Variants in KLHL1 observed in about 807,000 individuals in gnomAD.
KLHL1 encodes kelch like family member 1, also known as kelch-like protein 1.
A neutral mutation model predicts 77.7 loss-of-function variants in KLHL1; 47 were observed. That is an observed-to-expected ratio of 0.60 (90% CI 0.48 to 0.77). The LOEUF (loss-of-function observed/expected upper bound fraction) is 0.77, where lower values mean the gene tolerates loss of function less well. KLHL1 is among the 30% of genes least tolerant of loss of function. The pLI, the probability that KLHL1 is intolerant of heterozygous loss-of-function variation, is 0.00. For missense variants in KLHL1, 925 were observed against 910.8 expected (o/e 1.02, Z -0.20); for synonymous variants, 360 against 325.2 (o/e 1.11, Z -1.15).
chr13:69,876,010 G>A (rs1880750059), intron 5 of KLHL1, among the ~76,000 whole-genome samples: 1 of 152,030 alleles, frequency 6.6e-6, no homozygotes, highest in Non-Finnish European at 1.5e-5. Flanking sequence ...TGTGTTAGTG[G>A]GCTTGATTAA....
intron 7 of KLHL1, among the ~76,000 whole-genome samples, chr13:69,774,593 G>A (rs1875735307): frequency 6.6e-6 from 1 of 151,878 alleles, no homozygotes; most frequent in African/African-American, 2.4e-5. Flanking sequence ...TAAATCACAA[G>A]TGTGGCTCTG....
At chr13:69,977,686 T>A (rs531403685) in intron 1 of KLHL1, among the ~76,000 whole-genome samples, 1 of 152,220 alleles carries the variant, frequency 6.6e-6, no homozygotes, top group South Asian at 2.1e-4. Context: ...AAACACCTAA[T>A]ACACTGATTT....
chr13:70,001,192 A>G (rs1480361377), intron 1 of KLHL1, among the ~76,000 whole-genome samples: 3 of 151,144 alleles, frequency 2.0e-5, no homozygotes, highest in African/African-American at 7.3e-5. Context: ...AAATTTTCTA[A>G]GAAAATATAA....
chr13:69,889,135 A>G (rs1336051660), intron 4 of KLHL1, among the ~76,000 whole-genome samples: 1 of 152,052 alleles, frequency 6.6e-6, no homozygotes, highest in African/African-American at 2.4e-5. Flanking sequence ...TCAAGTATCA[A>G]GAGTTTTTAG....
intron 5 of KLHL1, among the ~76,000 whole-genome samples, chr13:69,878,002 T>C (rs1416828399): frequency 6.6e-6 from 1 of 152,214 alleles, no homozygotes; most frequent in Non-Finnish European, 1.5e-5. Context: ...AACTGAAATA[T>C]GTCCAAGTCA....
At chr13:69,967,565 C>T (rs1884249666) in intron 2 of KLHL1, among the ~76,000 whole-genome samples, 1 of 152,144 alleles carries the variant, frequency 6.6e-6, no homozygotes, top group South Asian at 2.1e-4. Flanking sequence ...CTGTGAAGAT[C>T]ATTGAAATGA....
At chr13:69,898,296 G>A (rs1881719669) in intron 4 of KLHL1, among the ~76,000 whole-genome samples, 1 of 152,172 alleles carries the variant, frequency 6.6e-6, no homozygotes, top group African/African-American at 2.4e-5. Flanking sequence ...TGGACCTCAG[G>A]ACTGGGTTTT....
chr13:69,896,416 T>C (rs554456336), intron 4 of KLHL1, among the ~76,000 whole-genome samples: 2 of 152,292 alleles, frequency 1.3e-5, no homozygotes, highest in East Asian at 3.9e-4. Flanking sequence ...GATAAGTATT[T>C]GAATAATCAG....
chr13:70,001,145 TG>T (rs1330187386), intron 1 of KLHL1, among the ~76,000 whole-genome samples: 1 of 151,132 alleles, frequency 6.6e-6, no homozygotes, highest in African/African-American at 2.4e-5. Flanking sequence ...GATATTGTTA[TG>T]GGAATCAGAT....
At position 69,887,737 on chromosome 13, in the gene KLHL1, T is replaced by C. The variant is rs540280601; in HGVS notation, c.1015-5242A>G. Among the ~76,000 whole-genome samples, 5 of 152,302 alleles carry C rather than the reference T, an allele frequency of 3.3e-5. No homozygotes were observed. The South Asian group carries it at 1.0e-3, about 32-fold the overall frequency. ...TCAGGATGGCCTTTACTGTCATAGT[T>C]CTAGCAACATTCTGATCACAATGAC... On this transcript the variant is annotated intron_variant, in intron 4 of 10. Transcript: ENST00000377844.
At chr13:69,818,166 C>G (rs1399319577) in intron 6 of KLHL1, among the ~76,000 whole-genome samples, 2 of 151,058 alleles carry the variant, frequency 1.3e-5, no homozygotes, top group African/African-American at 4.9e-5. Context: ...GTCCCTTGTC[C>G]AAACACTCAC....
intron 3 of KLHL1, 137 bp downstream of exon 3, chr13:69,961,170 AT>A: frequency 1.4e-6 from 1 of 694,724 alleles, no homozygotes; most frequent in Non-Finnish European, 2.3e-6. Context: ...AAAAAGTCTG[AT>A]TTTTGATCTA....
intron 10 of KLHL1, among the ~76,000 whole-genome samples, chr13:69,706,906 G>A (rs143322133): frequency 1.5e-3 from 230 of 151,782 alleles, no homozygotes; most frequent in African/African-American, 5.1e-3. Context: ...ACATCCTCTA[G>A]TTATGTGATT....
chr13:69,898,927 A>G (rs1022640013), intron 4 of KLHL1, among the ~76,000 whole-genome samples: 2 of 152,264 alleles, frequency 1.3e-5, no homozygotes, highest in Middle Eastern at 3.4e-3. Flanking sequence ...GGTGCTAGAG[A>G]CATCTGACAT....
chr13:70,096,314 C>T (rs1887787634), intron 1 of KLHL1, among the ~76,000 whole-genome samples: 1 of 152,092 alleles, frequency 6.6e-6, no homozygotes, highest in South Asian at 2.1e-4. Flanking sequence ...CCACAAACAG[C>T]ATATGAGGGC....
intron 1 of KLHL1, among the ~76,000 whole-genome samples, chr13:70,000,135 G>T (rs1885251463): frequency 6.6e-6 from 1 of 151,886 alleles, no homozygotes; most frequent in Non-Finnish European, 1.5e-5. Flanking sequence ...GTGACAGGTT[G>T]GTTCCACTTG....
chr13:69,743,476 G>A (rs983831028), intron 7 of KLHL1, among the ~76,000 whole-genome samples: 3 of 151,978 alleles, frequency 2.0e-5, no homozygotes, highest in Admixed American at 6.6e-5. Flanking sequence ...AATGTATAGG[G>A]GTATATGAAT....
chr13:69,857,852 A>T (rs879437985), intron 5 of KLHL1, among the ~76,000 whole-genome samples: 8 of 151,296 alleles, frequency 5.3e-5, no homozygotes, highest in African/African-American at 7.3e-5. Context: ...ATAATATAAA[A>T]ATATATATAT....
rs551357338 is a variant in KLHL1, at chr13:69,925,711, A to G, written c.1014+14329T>C. ...ATTTGAAGTTTTATTGCCTTATATG[A>G]CATTAACTGGTTTCGTCTTTACAAG... is the stretch of plus-strand genomic sequence containing the variant. On this transcript the variant is annotated intron_variant, in intron 4 of 10. Coordinates refer to ENST00000377844, the MANE Select transcript of KLHL1 (RefSeq NM_020866.3). Among the ~76,000 whole-genome samples the G allele has an allele frequency of 1.9e-4, 29 of 152,224 alleles. No homozygotes were observed. The South Asian group carries it at 5.6e-3, about 29-fold the overall frequency.
Sources: gnomAD v4.1 joint callset for allele counts (sites outside exome capture counted in the v4.1 genomes callset) on GRCh38, gnomAD v4.1.1 for gene constraint, MANE v1.5 for transcripts, NCBI Gene and HGNC (gene_info 2026-07-23, HGNC 2026-07-21) for gene names.